Variants in FAM135A observed in about 807,000 individuals in gnomAD.
FAM135A encodes the protein protein FAM135A.
A neutral mutation model predicts 146.8 loss-of-function variants in FAM135A; 79 were observed. The ratio of observed to expected loss-of-function variants is 0.54; its 90% CI spans 0.45 to 0.65. The LOEUF is 0.65. FAM135A is among the 30% of genes least tolerant of loss of function. The pLI, the probability that FAM135A is intolerant of heterozygous loss-of-function variation, is 0.00. For synonymous variants in FAM135A, 562 were observed against 603.6 expected, an observed-to-expected ratio of 0.93 and a Z score of 1.01; for missense variants, 1,623 against 1,758.2, an observed-to-expected ratio of 0.92 and a Z score of 1.38.
intron 20 of FAM135A, among the ~76,000 whole-genome samples, chr6:70,542,250 A>G (rs1396300085): frequency 7.0e-6 from 1 of 142,568 alleles, no homozygotes. Context: ...TTTATCCTGC[A>G]CACACACACA....
chr6:70,424,062 A>G (rs962612246), intron 2 of FAM135A, among the ~76,000 whole-genome samples: 1 of 152,268 alleles, frequency 6.6e-6, no homozygotes. Context: ...ATGCCCTCGC[A>G]GTGGATTAAT....
chr6:70,427,776 C>T (rs1000966162), intron 3 of FAM135A, among the ~76,000 whole-genome samples: 31 of 152,092 alleles, frequency 2.0e-4, no homozygotes, highest in African/African-American at 7.2e-4. Context: ...CAATTGAATA[C>T]TTTAGAATTT....
At chr6:70,551,701 C>A (rs9455157) in intron 20 of FAM135A, among the ~76,000 whole-genome samples, 3,858 of 152,114 alleles carry the variant, frequency 0.025, 169 homozygotes, top group African/African-American at 0.089. Context: ...GTCCACTTCC[C>A]ATATAATTGT....
chr6:70,560,472 G>A lies in FAM135A; in HGVS notation c.*551G>A, dbSNP rs1423954660. 1 of 152,592 alleles carries A rather than the reference G, an allele frequency of 6.6e-6. No individual in the cohort carries two copies. The highest frequency in any genetic ancestry group is 6.6e-5 in the Admixed American group (1 of 15,264). 9.5% of individuals were successfully genotyped at this position (152,592 alleles called of 1,614,324 possible). A position where few individuals can be genotyped will look rare whatever the true frequency, so the allele number is the denominator to read the frequency against. On this transcript the variant is annotated 3_prime_UTR_variant, in exon 22 of 22. Transcript: ENST00000418814. ...CAAACCAGGTAGTTCATATAAAACA[G>A]TGTAATACAAGTTTTCTATAAAGTC...
At chr6:70,557,214 C>G (rs957995841) in intron 21 of FAM135A, 1 of 383,460 alleles carries the variant, frequency 2.6e-6, no homozygotes, top group African/African-American at 2.1e-5. Context: ...AAGGATTTGC[C>G]CCTCTTTACT....
intron 11 of FAM135A, among the ~76,000 whole-genome samples, chr6:70,494,600 T>TA (rs778955128): frequency 4.6e-5 from 7 of 151,960 alleles, no homozygotes; most frequent in Non-Finnish European, 8.8e-5. Context: ...TTTTTTAATA[T>TA]AAAAAAGAAT....
intron 11 of FAM135A, among the ~76,000 whole-genome samples, chr6:70,493,728 A>T (rs1235363222): frequency 6.6e-6 from 1 of 152,164 alleles, no homozygotes; most frequent in Non-Finnish European, 1.5e-5. Flanking sequence ...AAATTATGGG[A>T]TACTTGTAAT....
At chr6:70,508,389 C>T (rs1032131833) in intron 12 of FAM135A, among the ~76,000 whole-genome samples, 6 of 152,142 alleles carry the variant, frequency 3.9e-5, no homozygotes, top group Admixed American at 3.3e-4. Flanking sequence ...CAGTTTATTT[C>T]CTCAATAATT....
intron 18 of FAM135A, among the ~76,000 whole-genome samples, chr6:70,534,182 A>G (rs1796346822): frequency 6.6e-6 from 1 of 151,982 alleles, no homozygotes; most frequent in Non-Finnish European, 1.5e-5. Context: ...CTCTGTGAAT[A>G]TATTTTAAAA....
rs773617245 is a variant in FAM135A at position 70,452,502 on chromosome 6, A to T, written c.88A>T (p.Ile30Phe). The change falls in exon 5 of 22, where the codon ATT becomes TTT. Residue 30 changes from isoleucine to phenylalanine, a missense_variant. By Grantham distance (21) the Ile-to-Phe change is conservative (BLOSUM62 0). Around this residue, in one of 7 missense-constraint regions of FAM135A, gnomAD observed 171 missense variants for 164.9 expected, o/e 1.04. Transcript: ENST00000418814. ...TTTATTTTGCTTTAGTTTTTACCAG[A>T]TTCGTGCTTCTATGAAAATTCCATC... ...VDLFQRGFYQ[I>F]RASMKIPSRI... 1.3e-6 allele frequency: 2 copies of T among 1,596,324 alleles called. No homozygotes were observed. Among genetic ancestry groups the T allele is most frequent in the Admixed American group, 3.6e-5 (2 of 55,446 alleles).
At chr6:70,468,022 T>C (rs1362088161) in intron 5 of FAM135A, among the ~76,000 whole-genome samples, 1 of 152,198 alleles carries the variant, frequency 6.6e-6, no homozygotes, top group East Asian at 1.9e-4. Flanking sequence ...AGGGGACTTG[T>C]CTGAGCCTCA....
chr6:70,433,406 T>C (rs979634210), intron 4 of FAM135A, among the ~76,000 whole-genome samples: 1 of 152,146 alleles, frequency 6.6e-6, no homozygotes, highest in Non-Finnish European at 1.5e-5. Flanking sequence ...AAGGAGGCAC[T>C]GTTAATAATA....
At chr6:70,548,366 G>A (rs972061610) in intron 20 of FAM135A, among the ~76,000 whole-genome samples, 5 of 152,110 alleles carry the variant, frequency 3.3e-5, no homozygotes, top group African/African-American at 4.8e-5. Context: ...CAGTACTGTC[G>A]TAAGAATCAC....
In FAM135A at chr6:70,556,740, C is replaced by A; in HGVS notation, c.4229-10C>A. 1 of 1,552,480 alleles carries A rather than the reference C, an allele frequency of 6.4e-7. No homozygotes were observed. The highest frequency in any genetic ancestry group is 1.2e-5 in the South Asian group (1 of 84,072). ...CTACTGCATTATAATTTATTATATT[C>A]TATTCACAGGGCTTCATTATTTCAA... On this transcript the variant is annotated splice_polypyrimidine_tract_variant and intron_variant, in intron 20 of 21. Coordinates refer to ENST00000418814, the MANE Select transcript of FAM135A (RefSeq NM_001162529.3).
At chr6:70,427,321 C>G (rs1408792210) in intron 3 of FAM135A, among the ~76,000 whole-genome samples, 2 of 152,038 alleles carry the variant, frequency 1.3e-5, no homozygotes, top group South Asian at 2.1e-4. Context: ...CACTTGAGGC[C>G]AGGAGTTCAA....
intron 20 of FAM135A, among the ~76,000 whole-genome samples, chr6:70,556,274 AAAG>A (rs1330755271): frequency 5.3e-5 from 8 of 152,184 alleles, no homozygotes; most frequent in Non-Finnish European, 7.3e-5. Flanking sequence ...TAATTTAAAA[AAAG>A]AAAATATAAA....
At chr6:70,468,726 G>T (rs562717941) in intron 5 of FAM135A, among the ~76,000 whole-genome samples, 1 of 152,172 alleles carries the variant, frequency 6.6e-6, no homozygotes, top group Admixed American at 6.5e-5. Flanking sequence ...TTCCTAGAGA[G>T]TAAGAATCTA....
At chr6:70,451,092 G>A (rs1361011770) in intron 4 of FAM135A, among the ~76,000 whole-genome samples, 1 of 151,816 alleles carries the variant, frequency 6.6e-6, no homozygotes, top group Non-Finnish European at 1.5e-5. Context: ...AGTATTTTGT[G>A]GTCCCATACA....
Position 70,452,537 on chromosome 6 carries a change from C to T in FAM135A, c.123C>T (p.Pro41=), listed in dbSNP as rs373906503. The T allele has an allele frequency of 6.3e-7, 1 of 1,595,834 alleles. No homozygotes were observed. Among genetic ancestry groups the T allele is most frequent in the African/African-American group, 1.4e-5 (1 of 73,670 alleles). ...CTATGAAAATTCCATCAAGAATTCCCCACAGAGTAGAAGCTAGTTTGTTGC... is the reference window on the plus strand; with the variant it reads ...CTATGAAAATTCCATCAAGAATTCCTCACAGAGTAGAAGCTAGTTTGTTGC... ...RASMKIPSRI[P]HRVEASLLHA... Residue 41 remains proline, a synonymous_variant, in exon 5 of 22, where the codon CCC becomes CCT. Transcript: ENST00000418814.
Sources: gnomAD v4.1 joint callset for allele counts (sites outside exome capture counted in the v4.1 genomes callset) on GRCh38, gnomAD v4.1.1 for gene constraint, gnomAD v4.1.1 regional missense constraint, MANE v1.5 for transcripts, NCBI Gene and HGNC (gene_info 2026-07-23, HGNC 2026-07-21) for gene names.